The following GPC6 variants were observed in gnomAD, a reference collection of about 807,000 sequenced individuals.
GPC6 encodes the protein glypican 6.
Under a neutral mutation model 55.2 loss-of-function variants are expected in GPC6, and 14 were observed. The observed-to-expected ratio is 0.25, with a 90% CI of 0.17 to 0.40. The LOEUF is 0.40. GPC6 is among the 10% of genes least tolerant of loss of function. The pLI is 1.00. For missense variants in GPC6, 641 were observed against 708.5 expected (o/e 0.90, Z 1.08); for synonymous variants, 278 against 259.6 (o/e 1.07, Z -0.68).
chr13:93,676,106 T>TAAAAAA (rs760322815), intron 2 of GPC6, among the ~76,000 whole-genome samples: 6 of 23,142 alleles, frequency 2.6e-4, no homozygotes, highest in South Asian at 1.4e-3. Flanking sequence ...CTGTTTCTAC[T>TAAAAAA]AAAAAAAAAA....
intron 2 of GPC6, among the ~76,000 whole-genome samples, chr13:93,776,070 G>T (rs1293755188): frequency 2.1e-5 from 3 of 143,254 alleles, no homozygotes; most frequent in African/African-American, 5.2e-5. Context: ...TCTTTTTTTG[G>T]GGGGTGGGGG....
chr13:93,436,811 A>G (rs889656897), intron 1 of GPC6, among the ~76,000 whole-genome samples: 3 of 152,080 alleles, frequency 2.0e-5, no homozygotes, highest in Non-Finnish European at 2.9e-5. Context: ...CAGAATTCAG[A>G]TTTAAAATAT....
At chr13:94,040,527 G>T (rs759281573) in intron 4 of GPC6, among the ~76,000 whole-genome samples, 2 of 151,734 alleles carry the variant, frequency 1.3e-5, no homozygotes, top group Non-Finnish European at 2.9e-5. Context: ...AATGCCTTCT[G>T]CTTAGCCCAT....
At chr13:94,163,704 G>A (rs1888249494) in intron 4 of GPC6, among the ~76,000 whole-genome samples, 1 of 152,188 alleles carries the variant, frequency 6.6e-6, no homozygotes, top group Non-Finnish European at 1.5e-5. Flanking sequence ...TCACTGAAGG[G>A]CTGGGTGGTT....
intron 1 of GPC6, among the ~76,000 whole-genome samples, chr13:93,300,625 G>T (rs1389571454): frequency 7.0e-6 from 1 of 143,006 alleles, no homozygotes; most frequent in African/African-American, 2.7e-5. Flanking sequence ...TCCAGCCTGG[G>T]CCACAGAGCC....
At chr13:93,477,041 T>C (rs9561359) in intron 1 of GPC6, among the ~76,000 whole-genome samples, 18,351 of 152,154 alleles carry the variant, frequency 0.12, 1,392 homozygotes, top group East Asian at 0.29. Flanking sequence ...AAGAACCGCA[T>C]GTAGATATTC....
At chr13:94,267,805 C>T (rs67579845) in intron 4 of GPC6, among the ~76,000 whole-genome samples, 16,529 of 152,198 alleles carry the variant, frequency 0.11, 1,036 homozygotes, top group East Asian at 0.18. Context: ...GAAACGCAAG[C>T]TAATATTACT....
intron 2 of GPC6, among the ~76,000 whole-genome samples, chr13:93,819,434 GA>G: frequency 6.6e-6 from 1 of 150,716 alleles, no homozygotes; most frequent in East Asian, 1.9e-4. Context: ...TTACAGTTGA[GA>G]AAAAAAAAGC....
intron 3 of GPC6, among the ~76,000 whole-genome samples, chr13:94,021,002 C>G (rs776796607): frequency 1.3e-5 from 2 of 151,824 alleles, no homozygotes; most frequent in Non-Finnish European, 2.9e-5. Flanking sequence ...ATCATAATCA[C>G]AAGAGTCATC....
chr13:93,818,399 T>A (rs1439618632), intron 2 of GPC6: 1 of 152,178 alleles, frequency 6.6e-6, no homozygotes, highest in African/African-American at 2.4e-5. Flanking sequence ...ATAATTATGC[T>A]TTTACAACTC....
chr13:93,419,020 A>G (rs952272106), intron 1 of GPC6, among the ~76,000 whole-genome samples: 11 of 150,996 alleles, frequency 7.3e-5, no homozygotes, highest in African/African-American at 2.2e-4. Context: ...TAATAGCACT[A>G]TGCCATAGTA....
At chr13:93,422,878 G>C (rs1324652954) in intron 1 of GPC6, among the ~76,000 whole-genome samples, 1 of 152,186 alleles carries the variant, frequency 6.6e-6, no homozygotes, top group Non-Finnish European at 1.5e-5. Context: ...GAGAGAATAT[G>C]CTTACACAAA....
intron 1 of GPC6, among the ~76,000 whole-genome samples, chr13:93,325,166 T>A (rs1879611150): frequency 6.6e-6 from 1 of 152,142 alleles, no homozygotes. Context: ...TTATTTGGAT[T>A]TGTATCATTA....
chr13:93,529,190 C>T (rs375632820), intron 1 of GPC6, among the ~76,000 whole-genome samples: 8 of 152,134 alleles, frequency 5.3e-5, no homozygotes, highest in African/African-American at 1.4e-4. Flanking sequence ...TAAGCTTGAA[C>T]GCTGATGCTA....
intron 3 of GPC6, among the ~76,000 whole-genome samples, chr13:93,953,959 T>C (rs1879380706): frequency 6.6e-6 from 1 of 152,194 alleles, no homozygotes; most frequent in Non-Finnish European, 1.5e-5. Context: ...TTCACTGACA[T>C]CTGGTGCCTT....
At position 93,368,390 on chromosome 13, in the gene GPC6, G is replaced by GTCCGTCCT. The variant is rs1321302195; in HGVS notation, c.160+140777_160+140778insGTCCTTCC. Among the ~76,000 whole-genome samples the GTCCGTCCT allele has an allele frequency of 4.6e-3, 260 of 56,322 alleles. 1 individual carries two copies. The highest frequency in any genetic ancestry group is 0.013 in the African/African-American group (252 of 19,690). The allele number at this position is 56,322 out of a possible 152,430, so 36.9% of individuals were successfully genotyped here. Reference sequence around the variant, plus strand: ...CTTCCTTCCTTCCTTCCTTCCTTCCGTCCTTCCTTCCTTCCTTCCTTCCTT... The same window carrying GTCCGTCCT: ...CTTCCTTCCTTCCTTCCTTCCTTCCGTCCGTCCTTCCTTCCTTCCTTCCTTCCTTCCTT... On this transcript the variant is annotated intron_variant, in intron 1 of 8. Transcript: ENST00000377047.
At chr13:94,332,022 T>A (rs1416462101) in intron 6 of GPC6, among the ~76,000 whole-genome samples, 1 of 152,186 alleles carries the variant, frequency 6.6e-6, no homozygotes, top group Non-Finnish European at 1.5e-5. Flanking sequence ...CATTGCAAAC[T>A]ATGAGGCAGT....
In GPC6 at chr13:94,402,960, A is replaced by G. The variant is rs909034582; in HGVS notation, c.1466-55A>G. On this transcript the variant is annotated intron_variant, in intron 8 of 8. Transcript: ENST00000377047. Reference sequence around the variant, plus strand: ...TTCAAGATGAGATTTGGGTGGGGCCACAAAGCCTAAACATATCAGTGGTCT... The same window carrying G: ...TTCAAGATGAGATTTGGGTGGGGCCGCAAAGCCTAAACATATCAGTGGTCT... 5 of 1,293,062 alleles carry G rather than the reference A, an allele frequency of 3.9e-6. No individual in the cohort carries two copies. In the Admixed American group the frequency reaches 5.0e-5, roughly 13 times the overall value. The allele number at this position is 1,293,062 out of a possible 1,614,324, so 80.1% of individuals were successfully genotyped here.
intron 3 of GPC6, among the ~76,000 whole-genome samples, chr13:93,838,435 G>A (rs1887822651): frequency 2.0e-5 from 3 of 152,340 alleles, no homozygotes; most frequent in African/African-American, 7.2e-5. Context: ...GGCCCAGCAT[G>A]TGCAAAGGCA....
Sources: gnomAD v4.1 joint callset for allele counts (sites outside exome capture counted in the v4.1 genomes callset) on GRCh38, gnomAD v4.1.1 for gene constraint, MANE v1.5 for transcripts, NCBI Gene and HGNC (gene_info 2026-07-23, HGNC 2026-07-21) for gene names.